The following CSMD3 variants were observed in gnomAD, a reference collection of about 807,000 sequenced individuals.
The protein encoded by CSMD3 is CUB and Sushi multiple domains 3, also known as CUB and sushi domain-containing protein 3.
Under a neutral mutation model 435.2 loss-of-function variants are expected in CSMD3, and 177 were observed. That is an observed-to-expected ratio of 0.41 (90% CI 0.36 to 0.46). The LOEUF (loss-of-function observed/expected upper bound fraction) is 0.46, where lower values mean the gene tolerates loss of function less well. CSMD3 is among the 20% of genes least tolerant of loss of function. CSMD3 has a pLI of 0.34. For synonymous variants in CSMD3, 1,656 were observed against 1,520.5 expected (o/e 1.09, Z -2.07); for missense variants, 4,265 against 4,504.6 (o/e 0.95, Z 1.52).
chr8:112,791,319 G>GGAAAAAAAAAAAAAAA lies in CSMD3; in HGVS notation c.1972+8842_1972+8843insTTTTTTTTTTTTTTTC, dbSNP rs56289713. On this transcript the variant is annotated intron_variant, in intron 13 of 70. Transcript: ENST00000297405. The stretch of plus-strand genomic sequence containing the variant: ...CCTGGGTGACAGAGGCATATCCTGT[G>GGAAAAAAAAAAAAAAA]AAAAAAAAAAAAAAAAAAAAAGGAA... Among the ~76,000 whole-genome samples the GGAAAAAAAAAAAAAAA allele has an allele frequency of 2.9e-5, 3 of 103,194 alleles. 1 individual carries two copies. Among genetic ancestry groups the GGAAAAAAAAAAAAAAA allele is most frequent in the Admixed American group, 1.0e-4 (1 of 9,926 alleles). 67.7% of individuals were successfully genotyped at this position (103,194 alleles called of 152,430 possible).
rs766488576 is a variant in CSMD3 at position 112,638,941 on chromosome 8, A to G, written c.3311-30T>C. The G allele has an allele frequency of 3.3e-5, 47 of 1,439,070 alleles. 1 individual carries two copies. The highest frequency in any genetic ancestry group is 3.5e-4 in the Middle Eastern group (2 of 5,734). 89.1% of individuals were successfully genotyped at this position (1,439,070 alleles called of 1,614,324 possible). A position where few individuals can be genotyped will look rare whatever the true frequency, so the allele number is the denominator to read the frequency against. ...TAAGAAAAATAGAAACACTGAATTT[A>G]CAGGTAGATCAGTAAAACACAGAGA... On this transcript the variant is annotated intron_variant, in intron 20 of 70. Coordinates refer to ENST00000297405, the MANE Select transcript of CSMD3 (RefSeq NM_198123.2).
chr8:112,413,539 G>A (rs1811580233), intron 32 of CSMD3, among the ~76,000 whole-genome samples: 1 of 152,080 alleles, frequency 6.6e-6, no homozygotes, highest in African/African-American at 2.4e-5. Flanking sequence ...AAACTCTTGA[G>A]CATTAGCATA....
Position 112,287,077 on chromosome 8 carries a change from C to T in CSMD3, c.9318G>A (p.Gln3106=), listed in dbSNP as rs746527857. 1 of 1,613,558 alleles carries T rather than the reference C, an allele frequency of 6.2e-7. No individual in the cohort carries two copies. The change falls in exon 58 of 71, where the codon CAG becomes CAA. Residue 3106 remains glutamine, a synonymous_variant. Transcript: ENST00000297405. ...CLANGSWTGR[Q]PECKAVQCGN... is the part of the protein sequence containing the mutation. ...GCTTGAGATTACCTTTGCACTCTGG[C>T]TGCCTTCCGGTCCAACTGCCATTAG...
chr8:112,851,002 A>G (rs1254209251), intron 11 of CSMD3, among the ~76,000 whole-genome samples: 1 of 152,202 alleles, frequency 6.6e-6, no homozygotes, highest in Non-Finnish European at 1.5e-5. Flanking sequence ...TATTTTTAAT[A>G]TAACATTATA....
intron 18 of CSMD3, among the ~76,000 whole-genome samples, chr8:112,653,998 G>T (rs1192748083): frequency 6.6e-6 from 1 of 151,044 alleles, no homozygotes; most frequent in Non-Finnish European, 1.5e-5. Flanking sequence ...CCCATGTTTT[G>T]GGGGGCAGAT....
chr8:113,436,939 T>G lies in CSMD3; in HGVS notation c.-85A>C, dbSNP rs1017473475. ...GTTGGTGCGCGGTCACAGCTCGGAG[T>G]GAATGGTGTTTCTGGGATACCACAG... is the stretch of plus-strand genomic sequence containing the variant. On this transcript the variant is annotated 5_prime_UTR_variant, in exon 1 of 71. Coordinates refer to ENST00000297405, the MANE Select transcript of CSMD3 (RefSeq NM_198123.2). 6.9e-7 allele frequency: 1 copy of G among 1,453,402 alleles called. No individual in the cohort carries two copies. The highest frequency in any genetic ancestry group is 9.6e-7 in the Non-Finnish European group (1 of 1,039,456). The allele number at this position is 1,453,402 out of a possible 1,614,324, so 90.0% of individuals were successfully genotyped here.
chr8:112,791,319 G>GGAAAA lies in CSMD3; in HGVS notation c.1972+8842_1972+8843insTTTTC, dbSNP rs56289713. 2.9e-4 allele frequency among the ~76,000 whole-genome samples: 30 copies of GGAAAA among 103,176 alleles called. 7 individuals carry two copies. Among genetic ancestry groups the GGAAAA allele is most frequent in the South Asian group, 3.3e-4 (1 of 3,030 alleles). The allele number at this position is 103,176 out of a possible 152,430, so 67.7% of individuals were successfully genotyped here. A position where few individuals can be genotyped will look rare whatever the true frequency, so the allele number is the denominator to read the frequency against. On this transcript the variant is annotated intron_variant, in intron 13 of 70. Coordinates refer to ENST00000297405, the MANE Select transcript of CSMD3 (RefSeq NM_198123.2). Reference sequence around the variant, plus strand: ...CCTGGGTGACAGAGGCATATCCTGTGAAAAAAAAAAAAAAAAAAAAAGGAA... The same window carrying GGAAAA: ...CCTGGGTGACAGAGGCATATCCTGTGGAAAAAAAAAAAAAAAAAAAAAAAAAGGAA...
intron 6 of CSMD3, among the ~76,000 whole-genome samples, chr8:113,009,524 A>G (rs2086179855): frequency 6.6e-6 from 1 of 151,880 alleles, no homozygotes; most frequent in African/African-American, 2.4e-5. Context: ...CTGCTTTGAA[A>G]AAAAGCCCTT....
chr8:112,528,691 T>C (rs1472550239), intron 27 of CSMD3, among the ~76,000 whole-genome samples: 1 of 152,146 alleles, frequency 6.6e-6, no homozygotes, highest in African/African-American at 2.4e-5. Context: ...GAAAGGCTCC[T>C]GCAGCCCAGG....
At chr8:112,234,540 A>G (rs776791794) in intron 67 of CSMD3, 63 bp from the exon 68 acceptor site, 5 of 889,920 alleles carry the variant, frequency 5.6e-6, no homozygotes, top group Non-Finnish European at 9.5e-6. Context: ...TCATTTTATT[A>G]TCTATCATTC....
chr8:112,253,635 G>C (rs890863033), intron 63 of CSMD3, among the ~76,000 whole-genome samples: 3 of 151,884 alleles, frequency 2.0e-5, no homozygotes, highest in Non-Finnish European at 4.4e-5. Context: ...TAACTGAAAA[G>C]TTGCTGAATC....
chr8:112,515,463 C>T lies in CSMD3; in HGVS notation c.4756+1571G>A, dbSNP rs535060854. Among the ~76,000 whole-genome samples the T allele has an allele frequency of 1.6e-4, 25 of 152,134 alleles. 1 individual carries two copies. The highest frequency in any genetic ancestry group is 1.0e-3 in the Admixed American group (16 of 15,282). ...AAACTTGAAAATTTTGAAACAGATA[C>T]GAAACATTATTTCAATCTCTTTCTT... On this transcript the variant is annotated intron_variant, in intron 28 of 70. Transcript: ENST00000297405.
chr8:113,425,119 G>A (rs1284284718), intron 1 of CSMD3, among the ~76,000 whole-genome samples: 1 of 151,346 alleles, frequency 6.6e-6, no homozygotes, highest in Admixed American at 6.6e-5. Context: ...ATGTCTCAAA[G>A]AGTTCTAGAA....
chr8:113,078,276 TTTA>T (rs1414205915), intron 5 of CSMD3, among the ~76,000 whole-genome samples: 5 of 152,194 alleles, frequency 3.3e-5, no homozygotes, highest in Non-Finnish European at 4.4e-5. Flanking sequence ...TATTTATTTA[TTTA>T]TTATTTAATT....
chr8:112,492,483 C>A lies in CSMD3; in HGVS notation c.5278+6G>T, dbSNP rs562101439. On this transcript the variant is annotated splice_donor_region_variant and intron_variant, in intron 31 of 70. Transcript: ENST00000297405. ...TGAAAATTCAGCCAAAAAATATGTTCCTTACCATGACAACTTGGCAAGGCT... is the reference window on the plus strand; with the variant it reads ...TGAAAATTCAGCCAAAAAATATGTTACTTACCATGACAACTTGGCAAGGCT... 30 of 1,612,042 alleles carry A rather than the reference C, an allele frequency of 1.9e-5. No individual in the cohort carries two copies. The South Asian group carries it at 2.9e-4, about 15-fold the overall frequency.
At chr8:112,405,873 A>AT (rs1196157870) in intron 35 of CSMD3, among the ~76,000 whole-genome samples, 11 of 152,094 alleles carry the variant, frequency 7.2e-5, no homozygotes, top group African/African-American at 2.4e-4. Flanking sequence ...ACTTTTAAAA[A>AT]TAAAAAATAA....
chr8:113,213,474 A>G (rs2132090291), intron 3 of CSMD3, among the ~76,000 whole-genome samples: 1 of 152,162 alleles, frequency 6.6e-6, no homozygotes, highest in South Asian at 2.1e-4. Context: ...AACCGTACCC[A>G]AATAAAAACT....
intron 3 of CSMD3, among the ~76,000 whole-genome samples, chr8:113,189,642 G>A (rs1419181901): frequency 6.6e-6 from 1 of 151,638 alleles, no homozygotes; most frequent in Non-Finnish European, 1.5e-5. Context: ...AGTCTATAAT[G>A]GTATATATCT....
At chr8:112,966,258 C>A (rs1346266998) in intron 7 of CSMD3, among the ~76,000 whole-genome samples, 1 of 151,414 alleles carries the variant, frequency 6.6e-6, no homozygotes, top group East Asian at 1.9e-4. Flanking sequence ...ATAAATTCTG[C>A]AGTCTATTAT....
Sources: allele counts gnomAD v4.1 joint callset (sites outside exome capture counted in the v4.1 genomes callset), GRCh38; gene constraint gnomAD v4.1.1; transcripts MANE v1.5; gene names NCBI Gene and HGNC (gene_info 2026-07-23, HGNC 2026-07-21).